Variants in BTC observed in about 807,000 individuals in gnomAD.
The protein encoded by BTC is probetacellulin.
In BTC, 13 loss-of-function variants were observed where a neutral mutation model predicts 18.1. The ratio of observed to expected loss-of-function variants is 0.72; its 90% CI spans 0.47 to 1.14. The LOEUF (loss-of-function observed/expected upper bound fraction) is 1.14. Ranked by LOEUF, BTC falls within the 50% of genes most tolerant of loss-of-function variation. BTC has a pLI of 0.00. For missense variants in BTC, 247 were observed against 224.2 expected (o/e 1.10, Z -0.65); for synonymous variants, 83 against 79.4 (o/e 1.05, Z -0.24).
chr4:74,745,363 T>C lies in BTC; in HGVS notation c.*1314A>G, dbSNP rs1553955294. 6.6e-6 allele frequency: 1 copy of C among 152,206 alleles called. No homozygotes were observed. Among genetic ancestry groups the C allele is most frequent in the East Asian group, 1.9e-4 (1 of 5,200 alleles). The allele number at this position is 152,206 out of a possible 1,614,324, so 9.4% of individuals were successfully genotyped here. ...TCTCCACTTCACTATGGAATCTACATTGCAAAGTAAAATTTGCAAAGATTC... is the reference window on the plus strand; with the variant it reads ...TCTCCACTTCACTATGGAATCTACACTGCAAAGTAAAATTTGCAAAGATTC... On this transcript the variant is annotated 3_prime_UTR_variant, in exon 6 of 6. Coordinates refer to ENST00000395743, the MANE Select transcript of BTC (RefSeq NM_001729.4).
Position 74,749,504 on chromosome 4 carries a change from A to AAATAAAT in BTC, c.428+1062_428+1068dup, listed in dbSNP as rs1724392382. On this transcript the variant is annotated intron_variant, in intron 4 of 5. Transcript: ENST00000395743. ...TCTCAAAATAAATAAATAAATAAAT[A>AAATAAAT]AATAAATAAATAATCAAAGACTCCC... is the stretch of plus-strand genomic sequence containing the variant. Among the ~76,000 whole-genome samples the AAATAAAT allele has an allele frequency of 3.3e-5, 5 of 150,480 alleles. No homozygotes were observed. The South Asian group carries it at 1.1e-3, about 32-fold the overall frequency.
chr4:74,770,162 A>T lies in BTC; in HGVS notation c.65-6T>A, dbSNP rs1458362143. 5.6e-6 allele frequency: 9 copies of T among 1,593,608 alleles called. No individual in the cohort carries two copies. The highest frequency in any genetic ancestry group is 7.7e-6 in the Non-Finnish European group (9 of 1,172,300). ...ACAGTGAAGGATCACTAGACCTTCA[A>T]ATTCAAAACAGAACCAAAATCAAAC... On this transcript the variant is annotated splice_region_variant and splice_polypyrimidine_tract_variant and intron_variant, in intron 1 of 5. Coordinates refer to ENST00000395743, the MANE Select transcript of BTC (RefSeq NM_001729.4).
chr4:74,791,992 CACACACACACACACAA>C (rs964989339), intron 1 of BTC, among the ~76,000 whole-genome samples: 6 of 147,666 alleles, frequency 4.1e-5, no homozygotes, highest in African/African-American at 1.1e-4. Context: ...CACACACACA[CACACACACACACACAA>C]ACACTAGTGT....
At chr4:74,750,547 TTAAAA>T (rs782482610) in intron 4 of BTC, 21 bp downstream of exon 4, 1 of 1,587,630 alleles carries the variant, frequency 6.3e-7, no homozygotes, top group South Asian at 1.2e-5. Context: ...TCAGATTTAC[TTAAAA>T]TTAAGTTTAA....
chr4:74,783,864 C>T (rs1308506550), intron 1 of BTC, among the ~76,000 whole-genome samples: 1 of 151,932 alleles, frequency 6.6e-6, no homozygotes, highest in East Asian at 1.9e-4. Flanking sequence ...AGGTATTTTA[C>T]TCTTTGTGTA....
chr4:74,752,978 A>C (rs1724504873), intron 3 of BTC, among the ~76,000 whole-genome samples: 1 of 152,226 alleles, frequency 6.6e-6, no homozygotes, highest in African/African-American at 2.4e-5. Flanking sequence ...CCATGCTAAA[A>C]GGTCAAACCT....
At chr4:74,786,448 C>G (rs1045392263) in intron 1 of BTC, among the ~76,000 whole-genome samples, 1 of 152,192 alleles carries the variant, frequency 6.6e-6, no homozygotes, top group Non-Finnish European at 1.5e-5. Context: ...GCTAGAGATT[C>G]TCAACACTAA....
At chr4:74,787,050 T>C (rs1349636) in intron 1 of BTC, among the ~76,000 whole-genome samples, 26,763 of 151,882 alleles carry the variant, frequency 0.18, 3,881 homozygotes, top group African/African-American at 0.41. Context: ...CATTCATTCA[T>C]TTAATTAATA....
chr4:74,791,770 CAT>C (rs578173973), intron 1 of BTC, among the ~76,000 whole-genome samples: 79 of 152,286 alleles, frequency 5.2e-4, no homozygotes, highest in Non-Finnish European at 8.4e-4. Context: ...ATTTAAATCA[CAT>C]GTTATTTTGT....
chr4:74,754,927 C>A (rs1334145506), intron 3 of BTC, among the ~76,000 whole-genome samples: 3 of 124,154 alleles, frequency 2.4e-5, no homozygotes, highest in African/African-American at 9.9e-5. Context: ...AAAATTAGAT[C>A]TATCCCTCTC....
chr4:74,769,195 C>T (rs1181525464), intron 2 of BTC, among the ~76,000 whole-genome samples: 1 of 152,188 alleles, frequency 6.6e-6, no homozygotes, highest in Non-Finnish European at 1.5e-5. Flanking sequence ...CTCTTCTCTA[C>T]TGCACCCCAC....
rs782514658 is a variant in BTC at position 74,755,956 on chromosome 4, G to A, written c.184C>T (p.Arg62Trp). ...GGGCACCTAGAGAAGTGGCCTTTCC[G>A]CTTTGATTGTGTGGTGGTAGCTGGA... ...NCAATTTQSKRKGHFSRCPKQ... is the reference protein window; with the variant it reads ...NCAATTTQSKWKGHFSRCPKQ... Residue 62 changes from arginine to tryptophan, a missense_variant, in exon 3 of 6, where the codon CGG (arginine) becomes TGG (tryptophan). By Grantham distance (101) the Arg-to-Trp change is moderately radical (BLOSUM62 -3). Coordinates refer to ENST00000395743, the MANE Select transcript of BTC (RefSeq NM_001729.4). 2.6e-5 allele frequency: 42 copies of A among 1,613,938 alleles called. 1 individual carries two copies. The highest frequency in any genetic ancestry group is 1.0e-4 in the Admixed American group (6 of 59,990).
intron 1 of BTC, among the ~76,000 whole-genome samples, chr4:74,777,764 G>A (rs1442747030): frequency 6.6e-6 from 1 of 151,868 alleles, no homozygotes; most frequent in African/African-American, 2.4e-5. Context: ...TCAGTTGGTT[G>A]GTTAAATGAT....
chr4:74,784,753 C>T (rs1203762916), intron 1 of BTC, among the ~76,000 whole-genome samples: 1 of 152,162 alleles, frequency 6.6e-6, no homozygotes, highest in African/African-American at 2.4e-5. Context: ...GTTGAACAAA[C>T]CTTGCATCCC....
intron 1 of BTC, among the ~76,000 whole-genome samples, chr4:74,778,563 G>A (rs938357293): frequency 6.6e-6 from 1 of 152,112 alleles, no homozygotes; most frequent in East Asian, 1.9e-4. Flanking sequence ...CTAGTATGTA[G>A]GCCACATGAA....
Position 74,749,483 on chromosome 4 carries a change from A to AAAATAAATAAATAAATAAAT in BTC, c.428+1070_428+1089dup, listed in dbSNP as rs10654944. On this transcript the variant is annotated intron_variant, in intron 4 of 5. Transcript: ENST00000395743. ...GGGCAACAGAGCAAGACTCTGTCTCAAAATAAATAAATAAATAAATAAATA... is the reference window on the plus strand; with the variant it reads ...GGGCAACAGAGCAAGACTCTGTCTCAAAATAAATAAATAAATAAATAAATAAATAAATAAATAAATAAATA... Among the ~76,000 whole-genome samples, 313 of 143,726 alleles carry AAAATAAATAAATAAATAAAT rather than the reference A, an allele frequency of 2.2e-3. 1 individual carries two copies. The highest frequency in any genetic ancestry group is 7.7e-3 in the African/African-American group (297 of 38,648). 94.3% of individuals were successfully genotyped at this position (143,726 alleles called of 152,430 possible).
At chr4:74,782,264 T>A (rs1388392021) in intron 1 of BTC, among the ~76,000 whole-genome samples, 1 of 152,006 alleles carries the variant, frequency 6.6e-6, no homozygotes, top group African/African-American at 2.4e-5. Context: ...GCTCTCCCTA[T>A]CCCCCGACAG....
chr4:74,763,452 T>G (rs970038574), intron 2 of BTC, among the ~76,000 whole-genome samples: 1 of 152,142 alleles, frequency 6.6e-6, no homozygotes, highest in Non-Finnish European at 1.5e-5. Context: ...TATTTTTAAT[T>G]TTTTTAAAGT....
At chr4:74,793,233 C>G (rs943422168) in intron 1 of BTC, among the ~76,000 whole-genome samples, 9 of 152,178 alleles carry the variant, frequency 5.9e-5, no homozygotes, top group African/African-American at 2.2e-4. Context: ...TAACCTTGGT[C>G]CTAAGTCTGA....
Sources: gnomAD v4.1 joint callset for allele counts (sites outside exome capture counted in the v4.1 genomes callset) on GRCh38, gnomAD v4.1.1 for gene constraint, MANE v1.5 for transcripts, NCBI Gene and HGNC (gene_info 2026-07-23, HGNC 2026-07-21) for gene names.